The following MOB1B variants were observed in gnomAD, a reference collection of about 807,000 sequenced individuals.
The protein encoded by MOB1B is MOB1 Mps One Binder homolog B.
A neutral mutation model predicts 24.4 loss-of-function variants in MOB1B; 19 were observed. That is an observed-to-expected ratio of 0.78 (90% CI 0.54 to 1.14). The LOEUF is 1.14. Among genes scored for constraint, MOB1B ranks in the 50% most tolerant of loss-of-function variants. The probability of loss-of-function intolerance (pLI) is 0.00; values close to 1 mark genes in which losing one functional copy is unlikely to be tolerated. For missense variants in MOB1B, 243 were observed against 259.6 expected, an observed-to-expected ratio of 0.94 and a Z score of 0.44; for synonymous variants, 76 against 82.1, an observed-to-expected ratio of 0.93 and a Z score of 0.40.
chr4:70,960,876 C>T (rs1307328283), intron 2 of MOB1B, among the ~76,000 whole-genome samples: 3 of 152,096 alleles, frequency 2.0e-5, no homozygotes, highest in African/African-American at 7.2e-5. Flanking sequence ...CTGTATAGAG[C>T]TTCTATATTA....
chr4:70,902,199 G>T (rs1735533567), upstream of MOB1B: 2 of 473,094 alleles, frequency 4.2e-6, no homozygotes, highest in African/African-American at 4.1e-5. Context: ...TCCCCATGCC[G>T]CAGCCGGAGG....
chr4:70,947,048 C>G (rs137972008), intron 1 of MOB1B, among the ~76,000 whole-genome samples: 1 of 152,140 alleles, frequency 6.6e-6, no homozygotes, highest in African/African-American at 2.4e-5. Flanking sequence ...CTGGTGATGT[C>G]GTTTGCAGTT....
chr4:70,952,034 A>G (rs1413930068), intron 1 of MOB1B, among the ~76,000 whole-genome samples: 1 of 152,202 alleles, frequency 6.6e-6, no homozygotes, highest in African/African-American at 2.4e-5. Context: ...TTATTTGGGG[A>G]AAAAATAGGC....
At chr4:70,940,827 C>G (rs897091036) in intron 1 of MOB1B, among the ~76,000 whole-genome samples, 6 of 151,954 alleles carry the variant, frequency 3.9e-5, no homozygotes, top group African/African-American at 9.7e-5. Flanking sequence ...CAGGCATGCA[C>G]CACCACGCCC....
chr4:70,926,375 T>C (rs1736656772), intron 1 of MOB1B, among the ~76,000 whole-genome samples: 1 of 152,110 alleles, frequency 6.6e-6, no homozygotes, highest in Non-Finnish European at 1.5e-5. Flanking sequence ...TATGTGACCT[T>C]GGGCAGATGA....
intron 1 of MOB1B, among the ~76,000 whole-genome samples, chr4:70,949,981 G>GA (rs896066364): frequency 2.0e-5 from 3 of 151,382 alleles, no homozygotes; most frequent in Admixed American, 1.3e-4. Flanking sequence ...TTAAAAATAA[G>GA]AAAAAAAAGG....
At chr4:70,903,351 A>T (rs1293271581) in intron 1 of MOB1B, among the ~76,000 whole-genome samples, 1 of 152,162 alleles carries the variant, frequency 6.6e-6, no homozygotes, top group African/African-American at 2.4e-5. Flanking sequence ...GCTGGTCATT[A>T]TTTCACTTAC....
chr4:70,975,386 TTATGGCTGTGTTGATATATGTA>T, intron 4 of MOB1B, 100 bp downstream of exon 4: 2 of 1,529,816 alleles, frequency 1.3e-6, no homozygotes, highest in Non-Finnish European at 8.7e-7. Flanking sequence ...GGAGAGTTCT[TTATGGCTGTGTTGATATATGTA>T]TATGTTACGC....
intron 1 of MOB1B, among the ~76,000 whole-genome samples, chr4:70,917,388 G>A (rs1736236274): frequency 6.6e-6 from 1 of 152,182 alleles, no homozygotes; most frequent in African/African-American, 2.4e-5. Context: ...CATGATAGTA[G>A]AAGTTTTAAT....
At chr4:70,963,086 G>A (rs1054409614) in intron 2 of MOB1B, among the ~76,000 whole-genome samples, 5 of 152,166 alleles carry the variant, frequency 3.3e-5, no homozygotes, top group Non-Finnish European at 7.3e-5. Flanking sequence ...CCACTGGCTA[G>A]CAGAAAATCT....
chr4:70,957,425 T>G (rs535863350), intron 1 of MOB1B, among the ~76,000 whole-genome samples: 7 of 148,508 alleles, frequency 4.7e-5, no homozygotes, highest in Admixed American at 1.3e-4. Context: ...AATCGCTCGC[T>G]CTCTCTCTCT....
chr4:70,952,009 G>A (rs1428921665), intron 1 of MOB1B, among the ~76,000 whole-genome samples: 1 of 152,162 alleles, frequency 6.6e-6, no homozygotes, highest in Non-Finnish European at 1.5e-5. Flanking sequence ...TAATGGGATT[G>A]TAAAAGGGTA....
intron 1 of MOB1B, among the ~76,000 whole-genome samples, chr4:70,931,843 A>G (rs757541448): frequency 2.0e-5 from 3 of 152,076 alleles, no homozygotes; most frequent in Non-Finnish European, 2.9e-5. Context: ...CAATCCTCCC[A>G]TCTCAGTCTC....
chr4:70,961,593 A>G (rs879936868), intron 2 of MOB1B, among the ~76,000 whole-genome samples: 2 of 152,260 alleles, frequency 1.3e-5, no homozygotes, highest in East Asian at 1.9e-4. Flanking sequence ...CAGTAGTTCT[A>G]TGATTTTACT....
At chr4:70,952,017 G>T (rs1737829359) in intron 1 of MOB1B, among the ~76,000 whole-genome samples, 1 of 152,120 alleles carries the variant, frequency 6.6e-6, no homozygotes, top group African/African-American at 2.4e-5. Context: ...TTGTAAAAGG[G>T]TACAATTTAT....
chr4:70,963,421 G>A (rs192149113), intron 2 of MOB1B, among the ~76,000 whole-genome samples: 2 of 152,276 alleles, frequency 1.3e-5, no homozygotes, highest in Non-Finnish European at 2.9e-5. Context: ...ATCATACAAT[G>A]AGTAGGATAA....
At chr4:70,934,954 A>G (rs1201676785) in intron 1 of MOB1B, among the ~76,000 whole-genome samples, 1 of 151,894 alleles carries the variant, frequency 6.6e-6, no homozygotes, top group Non-Finnish European at 1.5e-5. Context: ...TTATATGTAT[A>G]TTTTTAGAGA....
chr4:70,920,901 C>G (rs918859405), intron 1 of MOB1B, among the ~76,000 whole-genome samples: 2 of 152,126 alleles, frequency 1.3e-5, no homozygotes, highest in Non-Finnish European at 2.9e-5. Flanking sequence ...CTGGTGTGCT[C>G]CATTAATCTC....
At chr4:70,922,784 TCTTA>T (rs1354710330) in intron 1 of MOB1B, among the ~76,000 whole-genome samples, 8 of 152,204 alleles carry the variant, frequency 5.3e-5, no homozygotes, top group East Asian at 1.9e-4. Context: ...TTATGAGCAC[TCTTA>T]CTTATAAGCC....
Sources: allele counts gnomAD v4.1 joint callset (sites outside exome capture counted in the v4.1 genomes callset), GRCh38; gene constraint gnomAD v4.1.1; transcripts MANE v1.5; gene names NCBI Gene and HGNC (gene_info 2026-07-23, HGNC 2026-07-21).